ASTN2: variants seen among roughly 807,000 people sequenced by gnomAD.
The protein encoded by ASTN2 is astrotactin-2.
In ASTN2, 54 loss-of-function variants were observed where a neutral mutation model predicts 139.8. That is an observed-to-expected ratio of 0.39 (90% confidence interval 0.31 to 0.48). The LOEUF (loss-of-function observed/expected upper bound fraction) is 0.48. ASTN2 is among the 20% of genes least tolerant of loss of function. The pLI is 0.95. For synonymous variants in ASTN2, 756 were observed against 719.5 expected (o/e 1.05, Z -0.81); for missense variants, 1,565 against 1,725.1 (o/e 0.91, Z 1.64).
chr9:116,924,648 T>A (rs900753317), intron 10 of ASTN2, among the ~76,000 whole-genome samples: 10 of 152,240 alleles, frequency 6.6e-5, no homozygotes, highest in African/African-American at 2.4e-4. Flanking sequence ...TGCCATGGCA[T>A]TTGTAAACAG....
chr9:117,414,633 G>A lies in ASTN2; in HGVS notation c.306C>T (p.Ala102=), dbSNP rs1166842717. The change falls in exon 1 of 23, where the codon GCC becomes GCT. Residue 102 remains alanine, a synonymous_variant. Transcript: ENST00000313400. This position sits in a 1 kb window ranked among gnomAD's most constrained non-coding sequence, Gnocchi z 4.2. ...AGTGAGAAAA[A]ASPGSPGSAG... Reference sequence around the variant, plus strand: ...CAGAGCCAGGAGAGCCCGGGGACGCGGCGGCGGCGGCGGCTCCGGCCCCGG... The same window carrying A: ...CAGAGCCAGGAGAGCCCGGGGACGCAGCGGCGGCGGCGGCTCCGGCCCCGG... The A allele has an allele frequency of 3.0e-6, 4 of 1,329,664 alleles. No individual in the cohort carries two copies. Among genetic ancestry groups the A allele is most frequent in the Non-Finnish European group, 2.9e-6 (3 of 1,040,248 alleles). 82.4% of individuals were successfully genotyped at this position (1,329,664 alleles called of 1,614,324 possible). A position where few individuals can be genotyped will look rare whatever the true frequency, so the allele number is the denominator to read the frequency against.
At chr9:117,212,753 G>A (rs1165892742) in intron 3 of ASTN2, among the ~76,000 whole-genome samples, 4 of 152,132 alleles carry the variant, frequency 2.6e-5, no homozygotes, top group Non-Finnish European at 5.9e-5. Context: ...TCTCATCTCA[G>A]TTAGAATGGC....
intron 16 of ASTN2, 97 bp from the exon 17 acceptor site, chr9:116,651,890 G>T: frequency 7.0e-7 from 1 of 1,430,506 alleles, no homozygotes; most frequent in Non-Finnish European, 9.5e-7. Context: ...TAAGAAGCTG[G>T]TATCCATTGA....
At chr9:117,269,768 A>C (rs1834021354) in intron 2 of ASTN2, among the ~76,000 whole-genome samples, 1 of 152,224 alleles carries the variant, frequency 6.6e-6, no homozygotes, top group Admixed American at 6.5e-5. Flanking sequence ...GAGGTTTAGC[A>C]GATATGAATA....
At chr9:117,079,215 G>A (rs550236705) in intron 5 of ASTN2, among the ~76,000 whole-genome samples, 11 of 152,146 alleles carry the variant, frequency 7.2e-5, no homozygotes, top group Admixed American at 1.3e-4. Context: ...AATTAGCCAC[G>A]TGTGGTGGTG....
intron 1 of ASTN2, among the ~76,000 whole-genome samples, chr9:117,341,682 G>A (rs1467463343): frequency 2.6e-5 from 4 of 152,080 alleles, no homozygotes; most frequent in East Asian, 1.9e-4. Flanking sequence ...AAGTGCATAG[G>A]AGGATACAAA....
At chr9:116,445,235 T>C (rs1038031150) in intron 20 of ASTN2, among the ~76,000 whole-genome samples, 4 of 152,144 alleles carry the variant, frequency 2.6e-5, no homozygotes, top group African/African-American at 7.2e-5. Context: ...TAAAATGAGG[T>C]TAGTTTCACA....
chr9:116,884,802 C>T (rs951165881), intron 10 of ASTN2, among the ~76,000 whole-genome samples: 13 of 101,052 alleles, frequency 1.3e-4, no homozygotes, highest in African/African-American at 3.2e-4. Context: ...TCCAAATATC[C>T]GCCCCCCCCC....
chr9:117,188,044 T>C (rs1271064966), intron 3 of ASTN2, among the ~76,000 whole-genome samples: 1 of 152,056 alleles, frequency 6.6e-6, no homozygotes, highest in Non-Finnish European at 1.5e-5. Context: ...GGGGCGGTCC[T>C]GTGCATTGTA....
intron 1 of ASTN2, among the ~76,000 whole-genome samples, chr9:117,294,393 A>G (rs191168495): frequency 6.6e-6 from 1 of 152,390 alleles, no homozygotes; most frequent in Non-Finnish European, 1.5e-5. Context: ...ATTACAAAGA[A>G]AAGAAACTGT....
intron 6 of ASTN2, among the ~76,000 whole-genome samples, chr9:117,012,204 T>C (rs1837556935): frequency 6.6e-6 from 1 of 152,184 alleles, no homozygotes; most frequent in African/African-American, 2.4e-5. Context: ...AGTTTAATTT[T>C]TCCATCCTGT....
intron 13 of ASTN2, among the ~76,000 whole-genome samples, chr9:116,769,725 T>C (rs1329883451): frequency 6.6e-6 from 1 of 152,190 alleles, no homozygotes; most frequent in Non-Finnish European, 1.5e-5. Flanking sequence ...TCTTGCCTGA[T>C]GATCTCACTT....
chr9:117,194,824 T>G (rs191053701), intron 3 of ASTN2, among the ~76,000 whole-genome samples: 1 of 152,356 alleles, frequency 6.6e-6, no homozygotes, highest in Admixed American at 6.5e-5. Flanking sequence ...ATACATTCTT[T>G]ATGAGATAGA....
intron 12 of ASTN2, among the ~76,000 whole-genome samples, chr9:116,815,824 A>AAAAAAAAAAAAAAAAAC (rs1831310950): frequency 6.7e-6 from 1 of 148,918 alleles, no homozygotes; most frequent in East Asian, 1.9e-4. Context: ...AAAAAAAAAA[A>AAAAAAAAAAAAAAAAAC]AAAAGTTGAT....
At chr9:117,317,674 G>T (rs1828186745) in intron 1 of ASTN2, among the ~76,000 whole-genome samples, 2 of 152,112 alleles carry the variant, frequency 1.3e-5, no homozygotes, top group Non-Finnish European at 2.9e-5. Context: ...AGTGCCCCTG[G>T]GAGTCTGTAG....
At chr9:116,938,256 A>G (rs934971005) in intron 10 of ASTN2, among the ~76,000 whole-genome samples, 3 of 5,956 alleles carry the variant, frequency 5.0e-4, no homozygotes, top group Non-Finnish European at 5.4e-3. Context: ...ACTGTTTGCA[A>G]TGGTAGAGAA....
chr9:116,498,597 CAAA>C (rs371021345), intron 19 of ASTN2, among the ~76,000 whole-genome samples: 1 of 134,202 alleles, frequency 7.5e-6, no homozygotes. Flanking sequence ...GACCCTACCT[CAAA>C]AAAAAAAAAG....
At position 116,537,911 on chromosome 9, in the gene ASTN2, T is replaced by C. The variant is rs774676969; in HGVS notation, c.3356-50411A>G. Among the ~76,000 whole-genome samples the C allele has an allele frequency of 9.7e-4, 147 of 152,330 alleles. 1 individual carries two copies. The highest frequency in any genetic ancestry group is 1.5e-3 in the Non-Finnish European group (100 of 68,022). The stretch of plus-strand genomic sequence containing the variant: ...AGGCACTCTAGTGTGTTCTTTTACA[T>C]AGTTATCACAACAAACCTTCCAGGA... On this transcript the variant is annotated intron_variant, in intron 19 of 22. Transcript: ENST00000313400.
At chr9:117,394,608 T>C (rs891059169) in intron 1 of ASTN2, among the ~76,000 whole-genome samples, 2 of 152,162 alleles carry the variant, frequency 1.3e-5, no homozygotes, top group Admixed American at 1.3e-4. Context: ...GAAAGTAGCT[T>C]ATACGAAACA....
Sources: allele counts gnomAD v4.1 joint callset (sites outside exome capture counted in the v4.1 genomes callset), GRCh38; gene constraint gnomAD v4.1.1; non-coding constraint Gnocchi (gnomAD v3.1); transcripts MANE v1.5; gene names NCBI Gene and HGNC (gene_info 2026-07-23, HGNC 2026-07-21).